NDUFAF2: variants seen among roughly 807,000 people sequenced by gnomAD.
NDUFAF2 encodes the protein NADH dehydrogenase [ubiquinone] 1 alpha subcomplex assembly factor 2.
Under a neutral mutation model 22.8 loss-of-function variants are expected in NDUFAF2, and 13 were observed. The observed-to-expected ratio is 0.57, with a 90% confidence interval of 0.37 to 0.91. The LOEUF is 0.91. Among genes scored for constraint, NDUFAF2 ranks in the 40% least tolerant of loss-of-function variants. The probability of loss-of-function intolerance (pLI) is 0.01; values close to 1 mark genes in which losing one functional copy is unlikely to be tolerated. For synonymous variants in NDUFAF2, 53 were observed against 64.2 expected (o/e 0.83, Z 0.84); for missense variants, 162 against 195.2 (o/e 0.83, Z 1.01).
chr5:61,089,491 T>C (rs1463140210), intron 2 of NDUFAF2, among the ~76,000 whole-genome samples: 2 of 152,116 alleles, frequency 1.3e-5, no homozygotes, highest in African/African-American at 2.4e-5. Context: ...AGTTGGGAAA[T>C]TGGGTATGAT....
At chr5:60,991,513 T>C (rs1751158231) in intron 1 of NDUFAF2, among the ~76,000 whole-genome samples, 2 of 152,160 alleles carry the variant, frequency 1.3e-5, no homozygotes, top group Non-Finnish European at 2.9e-5. Context: ...TGAGTTCAAT[T>C]GTTTTGATTT....
intron 1 of NDUFAF2, among the ~76,000 whole-genome samples, chr5:61,066,991 A>G (rs984363491): frequency 6.6e-6 from 1 of 152,096 alleles, no homozygotes; most frequent in Non-Finnish European, 1.5e-5. Context: ...GCAGATATGT[A>G]AGGTGAACAA....
chr5:60,950,445 A>C (rs1268299344), intron 1 of NDUFAF2, among the ~76,000 whole-genome samples: 2 of 151,966 alleles, frequency 1.3e-5, no homozygotes, highest in African/African-American at 2.4e-5. Context: ...TTGGCCTCCT[A>C]AAGTGCTGGG....
rs1420282270 is a variant in NDUFAF2 at position 61,090,331 on chromosome 5, A to G, written c.218-8661A>G. Among the ~76,000 whole-genome samples, 12 of 152,180 alleles carry G rather than the reference A, an allele frequency of 7.9e-5. No homozygotes were observed. The South Asian group carries it at 1.9e-3, about 24-fold the overall frequency. On this transcript the variant is annotated intron_variant, in intron 2 of 3. Transcript: ENST00000296597. ...AATGTTGTAGCACAGAAGCAGCCACAAATAATATGTAAACAAATGTTTGTC... is the reference window on the plus strand; with the variant it reads ...AATGTTGTAGCACAGAAGCAGCCACGAATAATATGTAAACAAATGTTTGTC...
chr5:60,948,636 A>T (rs1750498400), intron 1 of NDUFAF2, among the ~76,000 whole-genome samples: 1 of 148,514 alleles, frequency 6.7e-6, no homozygotes, highest in Admixed American at 6.7e-5. Flanking sequence ...TCAGTAGTTT[A>T]TTTCTTTTTA....
At chr5:61,070,279 C>T (rs1752278756) in intron 1 of NDUFAF2, among the ~76,000 whole-genome samples, 1 of 151,984 alleles carries the variant, frequency 6.6e-6, no homozygotes, top group African/African-American at 2.4e-5. Flanking sequence ...TGCATGAAAG[C>T]ATATTAGTAT....
chr5:61,150,005 C>T (rs1007360126), intron 3 of NDUFAF2, among the ~76,000 whole-genome samples: 9 of 152,212 alleles, frequency 5.9e-5, no homozygotes, highest in African/African-American at 2.2e-4. Flanking sequence ...TCTCAGCTCA[C>T]TGCAACCTCC....
At chr5:61,043,389 C>G (rs998589287) in intron 1 of NDUFAF2, among the ~76,000 whole-genome samples, 3 of 151,892 alleles carry the variant, frequency 2.0e-5, no homozygotes, top group Non-Finnish European at 4.4e-5. Context: ...AGAGTGAACC[C>G]TAATATTAAT....
At chr5:60,983,716 T>C (rs1580079289) in intron 1 of NDUFAF2, among the ~76,000 whole-genome samples, 3 of 150,804 alleles carry the variant, frequency 2.0e-5, no homozygotes, top group Admixed American at 2.0e-4. Context: ...GTTGTAGATA[T>C]GCGGCATTAT....
chr5:60,983,940 G>A (rs1751029564), intron 1 of NDUFAF2, among the ~76,000 whole-genome samples: 1 of 152,152 alleles, frequency 6.6e-6, no homozygotes, highest in South Asian at 2.1e-4. Context: ...TGTAAAGAAA[G>A]TCATTGGTAG....
intron 1 of NDUFAF2, among the ~76,000 whole-genome samples, chr5:60,997,639 C>T (rs1281307777): frequency 1.3e-5 from 2 of 152,134 alleles, no homozygotes; most frequent in African/African-American, 4.8e-5. Flanking sequence ...CATAATTATT[C>T]ATAACTAATA....
chr5:60,984,551 T>C (rs1751040935), intron 1 of NDUFAF2, among the ~76,000 whole-genome samples: 1 of 152,216 alleles, frequency 6.6e-6, no homozygotes, highest in African/African-American at 2.4e-5. Context: ...AGATAGCTCT[T>C]ATTATTTTGA....
At chr5:60,998,332 G>T (rs1561538068) in intron 1 of NDUFAF2, among the ~76,000 whole-genome samples, 5 of 151,962 alleles carry the variant, frequency 3.3e-5, no homozygotes, top group African/African-American at 9.7e-5. Flanking sequence ...ATGATATTTG[G>T]TTTTTGAAAA....
intron 3 of NDUFAF2, among the ~76,000 whole-genome samples, chr5:61,109,628 G>C (rs1752810495): frequency 1.3e-5 from 2 of 152,200 alleles, no homozygotes; most frequent in Admixed American, 1.3e-4. Flanking sequence ...CAGGTGTTTA[G>C]GAAAAGACCT....
At chr5:60,952,038 T>C (rs1283041894) in intron 1 of NDUFAF2, among the ~76,000 whole-genome samples, 4 of 151,540 alleles carry the variant, frequency 2.6e-5, no homozygotes, top group Non-Finnish European at 2.9e-5. Flanking sequence ...ATTATCTTTT[T>C]AATGTTTGTA....
intron 3 of NDUFAF2, among the ~76,000 whole-genome samples, chr5:61,113,996 TGA>T (rs985039083): frequency 2.0e-5 from 3 of 152,174 alleles, no homozygotes; most frequent in African/African-American, 7.2e-5. Context: ...TTAAATGTCT[TGA>T]GGTAATCTTA....
intron 3 of NDUFAF2, among the ~76,000 whole-genome samples, chr5:61,124,436 G>A (rs1219993853): frequency 6.6e-6 from 1 of 151,468 alleles, no homozygotes; most frequent in Admixed American, 6.6e-5. Context: ...TTTCTATTTT[G>A]GACATATTAC....
At chr5:61,133,337 T>G (rs982308422) in intron 3 of NDUFAF2, among the ~76,000 whole-genome samples, 13 of 152,208 alleles carry the variant, frequency 8.5e-5, no homozygotes, top group African/African-American at 3.1e-4. Flanking sequence ...TATTCCTAAG[T>G]TAGGAAGTCC....
intron 1 of NDUFAF2, among the ~76,000 whole-genome samples, chr5:60,949,781 C>T (rs1159665081): frequency 3.3e-5 from 5 of 152,158 alleles, no homozygotes; most frequent in Non-Finnish European, 5.9e-5. Context: ...TTGTAGTTTT[C>T]AGCATAGAGA....
Sources: gnomAD v4.1 joint callset for allele counts (sites outside exome capture counted in the v4.1 genomes callset) on GRCh38, gnomAD v4.1.1 for gene constraint, MANE v1.5 for transcripts, NCBI Gene and HGNC (gene_info 2026-07-23, HGNC 2026-07-21) for gene names.